PPARGC1A: variants seen among roughly 807,000 people sequenced by gnomAD.
The protein encoded by PPARGC1A is peroxisome proliferator-activated receptor gamma coactivator 1-alpha.
A neutral mutation model predicts 88.7 loss-of-function variants in PPARGC1A; 25 were observed. The ratio of observed to expected loss-of-function variants is 0.28; its 90% CI spans 0.21 to 0.39. The LOEUF is 0.39. Among genes scored for constraint, PPARGC1A ranks in the 10% least tolerant of loss-of-function variants. PPARGC1A has a pLI of 1.00. For missense variants in PPARGC1A, 880 were observed against 968.7 expected, an observed-to-expected ratio of 0.91 and a Z score of 1.22; for synonymous variants, 363 against 355.6, an observed-to-expected ratio of 1.02 and a Z score of -0.24.
At chr4:23,959,781 G>A in the PPARGC1A span, among the ~76,000 whole-genome samples, 1 of 152,062 alleles carries the variant, frequency 6.6e-6, no homozygotes, top group East Asian at 1.9e-4. Context: ...TTATAGAGCA[G>A]AACTTTCATA....
chr4:24,186,210 G>C, the PPARGC1A span, among the ~76,000 whole-genome samples: 1 of 152,114 alleles, frequency 6.6e-6, no homozygotes, highest in Non-Finnish European at 1.5e-5. Flanking sequence ...AAGAGCAAGA[G>C]AGAGATAAGA....
At chr4:24,419,479 TC>T in the PPARGC1A span, among the ~76,000 whole-genome samples, 1 of 146,120 alleles carries the variant, frequency 6.8e-6, no homozygotes, top group African/African-American at 2.6e-5. Flanking sequence ...TGCAATAGAA[TC>T]CAAAGAACCC....
At chr4:24,413,195 G>C in the PPARGC1A span, among the ~76,000 whole-genome samples, 42 of 149,762 alleles carry the variant, frequency 2.8e-4, no homozygotes, top group African/African-American at 1.0e-3. Context: ...GATTCAGACT[G>C]TGTTTTCCCC....
the PPARGC1A span, among the ~76,000 whole-genome samples, chr4:23,910,526 C>T: frequency 6.9e-5 from 10 of 145,110 alleles, no homozygotes; most frequent in East Asian, 1.6e-3. Context: ...CTGCCACCTC[C>T]GCCTCCCGAG....
At chr4:24,296,023 T>C in the PPARGC1A span, among the ~76,000 whole-genome samples, 1 of 151,240 alleles carries the variant, frequency 6.6e-6, no homozygotes, top group Admixed American at 6.6e-5. Flanking sequence ...TATATATGTA[T>C]ATGTGTGTAT....
At chr4:24,172,848 C>T in the PPARGC1A span, among the ~76,000 whole-genome samples, 1 of 152,168 alleles carries the variant, frequency 6.6e-6, no homozygotes, top group Non-Finnish European at 1.5e-5. Flanking sequence ...TTACATCAGC[C>T]CTCTTGGCGA....
chr4:24,414,458 G>T, the PPARGC1A span, among the ~76,000 whole-genome samples: 4 of 152,218 alleles, frequency 2.6e-5, no homozygotes, highest in African/African-American at 9.6e-5. Context: ...GTACCTCTAG[G>T]TTCACCTGGG....
intron 1 of PPARGC1A, among the ~76,000 whole-genome samples, chr4:23,895,089 T>A (rs1577685084): frequency 2.4e-4 from 2 of 8,294 alleles, no homozygotes; most frequent in African/African-American, 2.6e-3. Flanking sequence ...CTAAGAAGGA[T>A]TTTTTTTTTT....
At chr4:24,284,938 G>A in the PPARGC1A span, among the ~76,000 whole-genome samples, 1 of 152,090 alleles carries the variant, frequency 6.6e-6, no homozygotes. Context: ...TGAGGCAGGG[G>A]AATCGTTTGA....
At chr4:24,092,984 C>A in the PPARGC1A span, among the ~76,000 whole-genome samples, 1 of 152,144 alleles carries the variant, frequency 6.6e-6, no homozygotes, top group Admixed American at 6.5e-5. Flanking sequence ...TGAAAAATTG[C>A]CACAATATCA....
the PPARGC1A span, among the ~76,000 whole-genome samples, chr4:24,099,686 A>T: frequency 6.6e-6 from 1 of 152,196 alleles, no homozygotes; most frequent in African/African-American, 2.4e-5. Flanking sequence ...TACTTGTAAC[A>T]TAACTAGGTT....
Position 23,853,359 on chromosome 4 carries a change from T to C in PPARGC1A, c.235-21608A>G, listed in dbSNP as rs113774207. On this transcript the variant is annotated intron_variant, in intron 2 of 12. Transcript: ENST00000264867. ...GGGTCATTATACTTTATGTGTTCTATTACAATGGTCCAAAGGACTATTACT... is the reference window on the plus strand; with the variant it reads ...GGGTCATTATACTTTATGTGTTCTACTACAATGGTCCAAAGGACTATTACT... Among the ~76,000 whole-genome samples the C allele has an allele frequency of 3.3e-5, 5 of 152,292 alleles. 2 individuals carry two copies. The highest frequency in any genetic ancestry group is 1.2e-4 in the African/African-American group (5 of 41,554).
At chr4:24,046,304 T>C in the PPARGC1A span, among the ~76,000 whole-genome samples, 1 of 152,176 alleles carries the variant, frequency 6.6e-6, no homozygotes. Flanking sequence ...TCTTAGGAAA[T>C]AATAGTCAGT....
the PPARGC1A span, among the ~76,000 whole-genome samples, chr4:24,139,380 G>A: frequency 1.7e-4 from 12 of 69,330 alleles, no homozygotes; most frequent in South Asian, 6.8e-3. Flanking sequence ...TGATCCGCCC[G>A]CCTTGGCCTA....
upstream of PPARGC1A, among the ~76,000 whole-genome samples, chr4:23,890,969 A>T (rs1227614035): frequency 2.6e-5 from 4 of 152,242 alleles, no homozygotes; most frequent in African/African-American, 7.2e-5. Flanking sequence ...ATTGAATTCC[A>T]ACCCTAGTGC....
At chr4:24,190,504 G>C in the PPARGC1A span, among the ~76,000 whole-genome samples, 1 of 151,984 alleles carries the variant, frequency 6.6e-6, no homozygotes, top group Admixed American at 6.6e-5. Context: ...TACAAAGTGA[G>C]ACTCCATCTC....
the PPARGC1A span, among the ~76,000 whole-genome samples, chr4:24,018,547 G>A: frequency 2.0e-5 from 3 of 152,256 alleles, no homozygotes; most frequent in African/African-American, 4.8e-5. Context: ...TCAACCTCAA[G>A]GCAGAGGCAC....
chr4:24,145,111 G>GTA, the PPARGC1A span, among the ~76,000 whole-genome samples: 2 of 145,448 alleles, frequency 1.4e-5, no homozygotes, highest in Non-Finnish European at 3.0e-5. Flanking sequence ...GTGTGTGTGT[G>GTA]TACATACATA....
At chr4:24,068,539 A>G in the PPARGC1A span, among the ~76,000 whole-genome samples, 2 of 152,210 alleles carry the variant, frequency 1.3e-5, no homozygotes, top group Non-Finnish European at 2.9e-5. Flanking sequence ...ATGAGGGATA[A>G]GAGCCAAGGC....
Sources: allele counts gnomAD v4.1 joint callset (sites outside exome capture counted in the v4.1 genomes callset), GRCh38; gene constraint gnomAD v4.1.1; transcripts MANE v1.5; gene names NCBI Gene and HGNC (gene_info 2026-07-23, HGNC 2026-07-21).